Variants in PER3 observed in about 807,000 individuals in gnomAD.
PER3 encodes the protein period circadian protein homolog 3.
In PER3, 107 loss-of-function variants were observed where a neutral mutation model predicts 127.2. That is an observed-to-expected ratio of 0.84 (90% CI 0.72 to 0.99). PER3 has a LOEUF of 0.99. Among genes scored for constraint, PER3 ranks in the 50% least tolerant of loss-of-function variants. The probability of loss-of-function intolerance (pLI) is 0.00; values close to 1 mark genes in which losing one functional copy is unlikely to be tolerated. For missense variants in PER3, 1,560 were observed against 1,525.8 expected (o/e 1.02, Z -0.37); for synonymous variants, 618 against 585.8 (o/e 1.05, Z -0.79).
intron 18 of PER3, among the ~76,000 whole-genome samples, chr1:7,829,562 G>A (rs773713402): frequency 2.0e-5 from 3 of 152,098 alleles, no homozygotes; most frequent in South Asian, 2.1e-4. Context: ...TAACCAAGAC[G>A]GCTACTGAGT....
rs1247433582 is a variant in PER3, at chr1:7,843,730, T to C, written c.*975T>C. 1 of 205,776 alleles carries C rather than the reference T, an allele frequency of 4.9e-6. No individual in the cohort carries two copies. Among genetic ancestry groups the C allele is most frequent in the Admixed American group, 6.0e-5 (1 of 16,626 alleles). The allele number at this position is 205,776 out of a possible 1,614,324, so 12.7% of individuals were successfully genotyped here. A position where few individuals can be genotyped will look rare whatever the true frequency, so the allele number is the denominator to read the frequency against. On this transcript the variant is annotated 3_prime_UTR_variant, in exon 22 of 22. Coordinates refer to ENST00000377532, the MANE Select transcript of PER3 (RefSeq NM_001377275.1). ...TGTTTGCCCTTGAACAGGGCAGTGT[T>C]GTGGGGACTGCAAAAGAGAAAACGT... is the stretch of plus-strand genomic sequence containing the variant.
At chr1:7,832,695 C>G (rs1057164409) in intron 19 of PER3, among the ~76,000 whole-genome samples, 1 of 135,428 alleles carries the variant, frequency 7.4e-6, no homozygotes, top group Non-Finnish European at 1.6e-5. Context: ...TTTATTACTT[C>G]TTTTCTCTTT....
intron 19 of PER3, among the ~76,000 whole-genome samples, chr1:7,832,757 T>G (rs999011025): frequency 6.6e-6 from 1 of 152,132 alleles, no homozygotes; most frequent in Non-Finnish European, 1.5e-5. Context: ...AGCTTACTTG[T>G]TAGATCTTTG....
At chr1:7,808,215 A>G (rs1367356821) in intron 10 of PER3, among the ~76,000 whole-genome samples, 5 of 143,354 alleles carry the variant, frequency 3.5e-5, no homozygotes, top group African/African-American at 1.3e-4. Context: ...CCTGGGTGAC[A>G]GAGCAAGACT....
Position 7,826,531 on chromosome 1 carries a change from C to A in PER3, c.2009C>A (p.Ala670Asp). The change falls in exon 17 of 22, where the codon GCC becomes GAC. Residue 670 changes from alanine to aspartate, a missense_variant. By Grantham distance (126) the Ala-to-Asp change is moderately radical (BLOSUM62 -2). Coordinates refer to ENST00000377532, the MANE Select transcript of PER3 (RefSeq NM_001377275.1). This position sits in a 1 kb window ranked among gnomAD's most constrained non-coding sequence, Gnocchi z 4.2. Reference protein sequence around the residue: ...CEPWTLNMQPAPLTSEEFKHV... With the variant: ...CEPWTLNMQPDPLTSEEFKHV... The stretch of plus-strand genomic sequence containing the variant: ...CCCTGGACCCTGAACATGCAGCCAG[C>A]CCCTTTGACCTCGGAAGAATTTAAA... The A allele has an allele frequency of 6.2e-7, 1 of 1,613,960 alleles. No individual in the cohort carries two copies. The highest frequency in any genetic ancestry group is 8.5e-7 in the Non-Finnish European group (1 of 1,179,870).
Position 7,803,776 on chromosome 1 carries a change from C to T in PER3, c.1064C>T (p.Ser355Phe), listed in dbSNP as rs775921604. The T allele has an allele frequency of 1.2e-6, 2 of 1,612,928 alleles. No individual in the cohort carries two copies. Among genetic ancestry groups the T allele is most frequent in the Non-Finnish European group, 1.7e-6 (2 of 1,178,934 alleles). The change falls in exon 10 of 22, where the codon TCC becomes TTC. Residue 355 changes from serine (S) to phenylalanine (F), a missense_variant. Physicochemically the swap from Ser to Phe is radical, Grantham distance 155. Transcript: ENST00000377532. ...AACGGAGACTACATCATACTGGATT[C>T]CAGTTGGTCCAGCTTTGTGAATCCC... The part of the protein sequence containing the change: ...TQNGDYIILD[S>F]SWSSFVNPWS...
Position 7,784,835 on chromosome 1 carries a change from C to T in PER3, c.-43C>T. The T allele has an allele frequency of 2.1e-6, 3 of 1,413,862 alleles. No homozygotes were observed. Among genetic ancestry groups the T allele is most frequent in the Non-Finnish European group, 2.7e-6 (3 of 1,091,982 alleles). 87.6% of individuals were successfully genotyped at this position (1,413,862 alleles called of 1,614,324 possible). A position where few individuals can be genotyped will look rare whatever the true frequency, so the allele number is the denominator to read the frequency against. Reference sequence around the variant, plus strand: ...TGCAAAGTGAGCGAGAAGCAGGCTGCGGGCCGTCCCAGCACGACGTGGAGC... The same window carrying T: ...TGCAAAGTGAGCGAGAAGCAGGCTGTGGGCCGTCCCAGCACGACGTGGAGC... On this transcript the variant is annotated 5_prime_UTR_variant, in exon 2 of 22. Coordinates refer to ENST00000377532, the MANE Select transcript of PER3 (RefSeq NM_001377275.1).
chr1:7,844,978 A>C lies in PER3; in HGVS notation c.*2223A>C, dbSNP rs910925789. On this transcript the variant is annotated 3_prime_UTR_variant, in exon 22 of 22. Coordinates refer to ENST00000377532, the MANE Select transcript of PER3 (RefSeq NM_001377275.1). The stretch of plus-strand genomic sequence containing the variant: ...CAGAGGTCAAAATTTATGAAAAACA[A>C]AATGCTGTATGAATGGAAATCATTT... 3 of 152,402 alleles carry C rather than the reference A, an allele frequency of 2.0e-5. No individual in the cohort carries two copies. The highest frequency in any genetic ancestry group is 7.2e-5 in the African/African-American group (3 of 41,470). The allele number at this position is 152,402 out of a possible 1,614,324, so 9.4% of individuals were successfully genotyped here.
Position 7,838,765 on chromosome 1 carries a change from G to T in PER3, c.3549+1616G>T, listed in dbSNP as rs114525478. ...GTCTTGGTGTGACTGACTTACAGAC[G>T]TACCTACTCTCTTGGTTACTATCTG... On this transcript the variant is annotated intron_variant, in intron 21 of 21. Transcript: ENST00000377532. Among the ~76,000 whole-genome samples, 750 of 152,224 alleles carry T rather than the reference G, an allele frequency of 4.9e-3. 8 individuals carry two copies. The highest frequency in any genetic ancestry group is 0.017 in the African/African-American group (720 of 41,528).
At chr1:7,830,273 C>A (rs1033891865) in intron 19 of PER3, 112 bp downstream of exon 19, 14 of 877,734 alleles carry the variant, frequency 1.6e-5, no homozygotes, top group Non-Finnish European at 2.3e-5. Context: ...GTTTTTTTTT[C>A]TTTTTCCCTT....
intron 5 of PER3, among the ~76,000 whole-genome samples, chr1:7,790,993 T>C (rs1282721930): frequency 6.6e-6 from 1 of 152,204 alleles, no homozygotes; most frequent in Admixed American, 6.5e-5. Flanking sequence ...TATGGCTGGT[T>C]TCATGGGCTG....
rs758407133 is a variant in PER3 at position 7,827,145 on chromosome 1, C to T, written c.2216C>T (p.Ser739Leu). 28 of 1,604,220 alleles carry T rather than the reference C, an allele frequency of 1.7e-5. No homozygotes were observed. The highest frequency in any genetic ancestry group is 1.7e-4 in the Middle Eastern group (1 of 6,036). ...QGDSTSKQTR[S>L]AGCRKGKHKR... ...GATTCTACTTCCAAGCAGACGCGGT[C>T]GGCCGGCTGCAGGAAAGGGAAGCAC... The change falls in exon 18 of 22, where the codon TCG (serine) becomes TTG (leucine). Residue 739 changes from serine to leucine, a missense_variant. This residue lies in a region of PER3 where 1,332 missense variants were observed against 1,223.6 expected (regional missense o/e 1.09). Coordinates refer to ENST00000377532, the MANE Select transcript of PER3 (RefSeq NM_001377275.1).
intron 13 of PER3, among the ~76,000 whole-genome samples, chr1:7,818,019 C>T (rs1343160114): frequency 6.6e-6 from 1 of 152,136 alleles, no homozygotes; most frequent in East Asian, 1.9e-4. Flanking sequence ...GCACCTCCGC[C>T]GCATTCTCTC....
chr1:7,809,450 C>A (rs1470067333), intron 11 of PER3, among the ~76,000 whole-genome samples: 1 of 151,972 alleles, frequency 6.6e-6, no homozygotes. Context: ...GTAAATAGAA[C>A]TAATGGTGTC....
rs748982931 is a variant in PER3 at position 7,801,211 on chromosome 1, TAAAAG to T, written c.872+24_872+28del. On this transcript the variant is annotated intron_variant, in intron 8 of 21. Coordinates refer to ENST00000377532, the MANE Select transcript of PER3 (RefSeq NM_001377275.1). ...TGAAAAGTAAGTACTTCTTTAAGCC[TAAAAG>T]AAATTTGTTTCTGAAAATAAATATA... 4 of 1,327,180 alleles carry T rather than the reference TAAAAG, an allele frequency of 3.0e-6. No individual in the cohort carries two copies. Among genetic ancestry groups the T allele is most frequent in the South Asian group, 1.3e-5 (1 of 78,192 alleles). 82.2% of individuals were successfully genotyped at this position (1,327,180 alleles called of 1,614,324 possible). A position where few individuals can be genotyped will look rare whatever the true frequency, so the allele number is the denominator to read the frequency against.
intron 3 of PER3, 108 bp downstream of exon 3, chr1:7,785,694 TCTGGTGC>T: frequency 1.1e-6 from 1 of 891,280 alleles, no homozygotes; most frequent in Non-Finnish European, 1.8e-6. Flanking sequence ...TTGAGCTTTT[TCTGGTGC>T]TTTGTGGAAG....
Position 7,799,884 on chromosome 1 carries a change from G to A in PER3, c.793+1211G>A, listed in dbSNP as rs11807100. On this transcript the variant is annotated intron_variant, in intron 7 of 21. Transcript: ENST00000377532. Reference sequence around the variant, plus strand: ...CCTGGGCTTCAGTGATCCTCCCACCGCAGCCTCCAGGGTAGTTAGGACCAC... The same window carrying A: ...CCTGGGCTTCAGTGATCCTCCCACCACAGCCTCCAGGGTAGTTAGGACCAC... Among the ~76,000 whole-genome samples, 375 of 151,636 alleles carry A rather than the reference G, an allele frequency of 2.5e-3. 2 individuals carry two copies. Among genetic ancestry groups the A allele is most frequent in the African/African-American group, 8.1e-3 (336 of 41,330 alleles).
intron 19 of PER3, among the ~76,000 whole-genome samples, chr1:7,832,501 G>A (rs1268052224): frequency 6.6e-6 from 1 of 150,788 alleles, no homozygotes; most frequent in Non-Finnish European, 1.5e-5. Flanking sequence ...AGCCTCCCGA[G>A]TAGCTGGGAT....
In PER3 at chr1:7,793,965, C is replaced by T. The variant is rs772505358; in HGVS notation, c.601C>T (p.Arg201Trp). The change falls in exon 6 of 22, where the codon CGG (arginine) becomes TGG (tryptophan). Residue 201 changes from arginine to tryptophan, a missense_variant. Arg to Trp is a moderately radical substitution (Grantham distance 101, BLOSUM62 -3). Transcript: ENST00000377532. ...WNNWTQRAAARYECAPVKPFF... is the reference protein window; with the variant it reads ...WNNWTQRAAAWYECAPVKPFF... ...GGCATCTTTCTTTCTAGCAGCTGCA[C>T]GGTATGAATGTGCTCCGGTGAAACC... 14 of 1,613,580 alleles carry T rather than the reference C, an allele frequency of 8.7e-6. No individual in the cohort carries two copies. The highest frequency in any genetic ancestry group is 4.5e-5 in the East Asian group (2 of 44,896).
Sources: gnomAD v4.1 joint callset for allele counts (sites outside exome capture counted in the v4.1 genomes callset) on GRCh38, gnomAD v4.1.1 for gene constraint, gnomAD v4.1.1 regional missense constraint, Gnocchi (gnomAD v3.1) non-coding constraint, MANE v1.5 for transcripts, NCBI Gene and HGNC (gene_info 2026-07-23, HGNC 2026-07-21) for gene names.